Variants in COLEC12 observed in about 807,000 individuals in gnomAD.
COLEC12 encodes collectin subfamily member 12, also known as collectin-12.
Under a neutral mutation model 71.1 loss-of-function variants are expected in COLEC12, and 33 were observed. That is an observed-to-expected ratio of 0.46 (90% confidence interval 0.35 to 0.62). The LOEUF (loss-of-function observed/expected upper bound fraction) is 0.62. Ranked by LOEUF, COLEC12 falls within the 20% of genes least tolerant of loss-of-function variation. COLEC12 has a pLI of 0.00. For synonymous variants in COLEC12, 350 were observed against 353.0 expected, an observed-to-expected ratio of 0.99 and a Z score of 0.10; for missense variants, 765 against 916.1, an observed-to-expected ratio of 0.84 and a Z score of 2.13.
intron 2 of COLEC12, among the ~76,000 whole-genome samples, chr18:427,700 C>T (rs2143666793): frequency 6.6e-6 from 1 of 151,562 alleles, no homozygotes; most frequent in East Asian, 1.9e-4. Flanking sequence ...AACCGGTCCT[C>T]AAATGTGCAT....
intron 2 of COLEC12, among the ~76,000 whole-genome samples, chr18:364,020 T>G (rs1349739931): frequency 6.6e-6 from 1 of 152,170 alleles, no homozygotes; most frequent in East Asian, 1.9e-4. Flanking sequence ...ACCGGAAAAG[T>G]TACTTAGAAG....
At chr18:377,235 C>A (rs1483918979) in intron 2 of COLEC12, among the ~76,000 whole-genome samples, 1 of 152,246 alleles carries the variant, frequency 6.6e-6, no homozygotes, top group African/African-American at 2.4e-5. Flanking sequence ...AAACCCAGTG[C>A]TCAGCAAGCG....
Position 347,037 on chromosome 18 carries a change from T to C in COLEC12, c.585A>G (p.Gln195=), listed in dbSNP as rs773862996. The C allele has an allele frequency of 4.3e-6, 7 of 1,614,028 alleles. No homozygotes were observed. Among genetic ancestry groups the C allele is most frequent in the Non-Finnish European group, 5.9e-6 (7 of 1,180,024 alleles). Residue 195 remains glutamine (Q), a synonymous_variant, in exon 5 of 10, where the codon CAA becomes CAG. Coordinates refer to ENST00000400256, the MANE Select transcript of COLEC12 (RefSeq NM_130386.3). ...TSVLQGNLQN[Q]MYSHNVVIMN... ...TGATGACCACATTATGAGAATACAT[T>C]TGGTTCTGCAGATTGCCCTGGAGCA...
At chr18:365,850 G>C (rs1914844822) in intron 2 of COLEC12, among the ~76,000 whole-genome samples, 1 of 152,156 alleles carries the variant, frequency 6.6e-6, no homozygotes, top group Non-Finnish European at 1.5e-5. Flanking sequence ...AGGGGCGCTG[G>C]CTGTCATCTT....
intron 2 of COLEC12, among the ~76,000 whole-genome samples, chr18:472,678 C>CAAAA (rs765169609): frequency 2.1e-3 from 193 of 93,530 alleles, no homozygotes; most frequent in Non-Finnish European, 2.9e-3. Context: ...GGCCCTGTGA[C>CAAAA]AAAAAAAAAA....
chr18:386,259 G>A (rs1007323733), intron 2 of COLEC12, among the ~76,000 whole-genome samples: 1 of 152,096 alleles, frequency 6.6e-6, no homozygotes, highest in African/African-American at 2.4e-5. Flanking sequence ...GAACATTGTT[G>A]AGCACCAACT....
rs192582856 is a variant in COLEC12 at position 410,020 on chromosome 18, G to A, written c.59-52498C>T. Among the ~76,000 whole-genome samples the A allele has an allele frequency of 1.8e-3, 271 of 152,266 alleles. 2 individuals are homozygous for A. Among genetic ancestry groups the A allele is most frequent in the African/African-American group, 6.0e-3 (251 of 41,550 alleles). On this transcript the variant is annotated intron_variant, in intron 2 of 9. Transcript: ENST00000400256. ...CTGGAACAAGTTACTTAATTTCTCT[G>A]AACTTCAGTTCTCACCTCTGTAAAT...
chr18:492,965 G>A (rs1250781674), intron 1 of COLEC12, among the ~76,000 whole-genome samples: 1 of 152,190 alleles, frequency 6.6e-6, no homozygotes, highest in African/African-American at 2.4e-5. Context: ...GCACTTTGGA[G>A]GCTGAGGCGG....
intron 2 of COLEC12, among the ~76,000 whole-genome samples, chr18:403,052 T>C (rs1156592792): frequency 6.6e-6 from 1 of 152,310 alleles, no homozygotes; most frequent in Middle Eastern, 3.4e-3. Flanking sequence ...CTAAGAGCTA[T>C]GTATGGCCAG....
Position 319,331 on chromosome 18 carries a change from A to ATATATATATATATATAT in COLEC12, c.*713_*714insATATATATATATATATA, listed in dbSNP as rs1431727726. 5.5e-5 allele frequency: 3 copies of ATATATATATATATATAT among 54,646 alleles called. No homozygotes were observed. The highest frequency in any genetic ancestry group is 6.3e-4 in the South Asian group (1 of 1,578). The allele number at this position is 54,646 out of a possible 1,614,324, so 3.4% of individuals were successfully genotyped here. Reference sequence around the variant, plus strand: ...GAGGAAATGAAACATTAAAAAAAAAAAAAAAAAAAAATATATATATATATA... The same window carrying ATATATATATATATATAT: ...GAGGAAATGAAACATTAAAAAAAAAATATATATATATATATATAAAAAAAAAAATATATATATATATA... On this transcript the variant is annotated 3_prime_UTR_variant, in exon 10 of 10. Transcript: ENST00000400256.
intron 2 of COLEC12, among the ~76,000 whole-genome samples, chr18:392,643 A>G (rs1915486805): frequency 6.6e-6 from 1 of 152,216 alleles, no homozygotes; most frequent in South Asian, 2.1e-4. Flanking sequence ...TACTAAGGAA[A>G]AAGGGCCAAA....
chr18:319,333 A>ATATATATATAT lies in COLEC12; in HGVS notation c.*711_*712insATATATATATA, dbSNP rs1400580381. 28 of 65,760 alleles carry ATATATATATAT rather than the reference A, an allele frequency of 4.3e-4. No homozygotes were observed. Among genetic ancestry groups the ATATATATATAT allele is most frequent in the Admixed American group, 8.2e-4 (5 of 6,088 alleles). The allele number at this position is 65,760 out of a possible 1,614,324, so 4.1% of individuals were successfully genotyped here. ...GGAAATGAAACATTAAAAAAAAAAA[A>ATATATATATAT]AAAAAAAAATATATATATATATATA... On this transcript the variant is annotated 3_prime_UTR_variant, in exon 10 of 10. Coordinates refer to ENST00000400256, the MANE Select transcript of COLEC12 (RefSeq NM_130386.3).
At chr18:438,539 G>C (rs1916450114) in intron 2 of COLEC12, among the ~76,000 whole-genome samples, 1 of 152,266 alleles carries the variant, frequency 6.6e-6, no homozygotes, top group African/African-American at 2.4e-5. Context: ...CCAGCTGGGT[G>C]CTGTGGTTCA....
chr18:357,426 A>T lies in COLEC12; in HGVS notation c.155T>A (p.Ile52Asn). ...LLYILCALLT[I>N]TVAILGYKVV... The stretch of plus-strand genomic sequence containing the variant: ...TTTATATCCCAAAATGGCTACTGTG[A>T]TTGTTAGCAAGGCACACAAAATGTA... Residue 52 changes from isoleucine (I) to asparagine (N), a missense_variant, in exon 3 of 10, where the codon ATC (isoleucine) becomes AAC (asparagine). Physicochemically the swap from Ile to Asn is moderately radical, Grantham distance 149. Coordinates refer to ENST00000400256, the MANE Select transcript of COLEC12 (RefSeq NM_130386.3). 6.2e-7 allele frequency: 1 copy of T among 1,602,232 alleles called. No individual in the cohort carries two copies. Among genetic ancestry groups the T allele is most frequent in the Non-Finnish European group, 8.5e-7 (1 of 1,176,472 alleles).
At chr18:358,294 G>A (rs1357571522) in intron 2 of COLEC12, among the ~76,000 whole-genome samples, 3 of 152,020 alleles carry the variant, frequency 2.0e-5, no homozygotes, top group Non-Finnish European at 1.5e-5. Context: ...GATGGTTTCG[G>A]GATGATTCAA....
intron 2 of COLEC12, among the ~76,000 whole-genome samples, chr18:405,201 G>C (rs1915761471): frequency 6.6e-6 from 1 of 152,180 alleles, no homozygotes; most frequent in Admixed American, 6.5e-5. Flanking sequence ...GTGCACCGCT[G>C]AACATAGACC....
intron 2 of COLEC12, among the ~76,000 whole-genome samples, chr18:429,570 C>T (rs1916262598): frequency 6.6e-6 from 1 of 152,026 alleles, no homozygotes; most frequent in African/African-American, 2.4e-5. Context: ...TTAGTAGAGA[C>T]AGGGATTTGC....
intron 2 of COLEC12, among the ~76,000 whole-genome samples, chr18:443,550 C>T (rs1598365632): frequency 6.6e-6 from 1 of 152,166 alleles, no homozygotes; most frequent in East Asian, 1.9e-4. Context: ...TGTTTGTGAA[C>T]TTTAAGGTAC....
intron 2 of COLEC12, among the ~76,000 whole-genome samples, chr18:458,928 A>G (rs1270367325): frequency 1.3e-5 from 2 of 152,208 alleles, no homozygotes; most frequent in Non-Finnish European, 2.9e-5. Flanking sequence ...TTGACCTCCC[A>G]GGCTCAAGTG....
Sources: allele counts gnomAD v4.1 joint callset (sites outside exome capture counted in the v4.1 genomes callset), GRCh38; gene constraint gnomAD v4.1.1; transcripts MANE v1.5; gene names NCBI Gene and HGNC (gene_info 2026-07-23, HGNC 2026-07-21).